GABRB3: variants seen among roughly 807,000 people sequenced by gnomAD.
The protein encoded by GABRB3 is gamma-aminobutyric acid receptor subunit beta-3.
A neutral mutation model predicts 52.1 loss-of-function variants in GABRB3; 14 were observed. That is an observed-to-expected ratio of 0.27 (90% CI 0.18 to 0.42). GABRB3 has a LOEUF of 0.42. Among genes scored for constraint, GABRB3 ranks in the 10% least tolerant of loss-of-function variants. The pLI, the probability that GABRB3 is intolerant of heterozygous loss-of-function variation, is 1.00. For missense variants in GABRB3, 307 were observed against 609.1 expected (o/e 0.50, Z 5.22); for synonymous variants, 260 against 232.3 (o/e 1.12, Z -1.08).
intron 8 of GABRB3, among the ~76,000 whole-genome samples, chr15:26,555,673 C>T (rs1366942198): frequency 1.3e-5 from 2 of 152,180 alleles, no homozygotes; most frequent in African/African-American, 4.8e-5. Flanking sequence ...TGAGAAAGAA[C>T]TCAAGAACCA....
At chr15:26,665,642 T>A (rs117337592) in intron 3 of GABRB3, among the ~76,000 whole-genome samples, 4,676 of 152,202 alleles carry the variant, frequency 0.031, 95 homozygotes, top group Non-Finnish European at 0.043. Context: ...CCATAAATGC[T>A]CATGTGGGCA....
At chr15:26,676,191 G>A (rs1888063611) in intron 3 of GABRB3, among the ~76,000 whole-genome samples, 1 of 152,190 alleles carries the variant, frequency 6.6e-6, no homozygotes, top group Non-Finnish European at 1.5e-5. Flanking sequence ...TTCAGCACCT[G>A]CTTGCAACTA....
chr15:26,772,657 A>T (rs1475784515), intron 2 of GABRB3, 24 bp downstream of exon 2: 3 of 1,538,652 alleles, frequency 1.9e-6, no homozygotes, highest in African/African-American at 2.9e-5. Flanking sequence ...CGCTTCCCGC[A>T]ACGGCCGCGC....
At chr15:26,763,882 A>C (rs2140186732) in intron 3 of GABRB3, among the ~76,000 whole-genome samples, 1 of 152,104 alleles carries the variant, frequency 6.6e-6, no homozygotes, top group African/African-American at 2.4e-5. Flanking sequence ...ATGGTGGCTC[A>C]CACCTGTCAT....
chr15:26,743,918 C>T (rs1414234520), intron 3 of GABRB3, among the ~76,000 whole-genome samples: 1 of 151,766 alleles, frequency 6.6e-6, no homozygotes, highest in Non-Finnish European at 1.5e-5. Flanking sequence ...TTCTCTAAAA[C>T]AAACTTCTTT....
intron 8 of GABRB3, among the ~76,000 whole-genome samples, chr15:26,558,943 G>A (rs1191517755): frequency 6.6e-6 from 1 of 152,208 alleles, no homozygotes; most frequent in Non-Finnish European, 1.5e-5. Context: ...GAAGCATGGT[G>A]CTGGCACCTC....
chr15:26,772,853 C>T, intron 1 of GABRB3, 30 bp downstream of exon 1: 1 of 1,449,164 alleles, frequency 6.9e-7, no homozygotes, highest in Non-Finnish European at 9.1e-7. Context: ...GCGCCCTGCC[C>T]GCCGCCCGCC....
chr15:26,615,648 G>T, intron 4 of GABRB3: 1 of 675,140 alleles, frequency 1.5e-6, no homozygotes, highest in Non-Finnish European at 1.9e-6. Flanking sequence ...CCTACGTCAC[G>T]GACAGCTCAT....
chr15:26,728,976 G>A (rs185793581), intron 3 of GABRB3, among the ~76,000 whole-genome samples: 82 of 152,292 alleles, frequency 5.4e-4, no homozygotes, highest in African/African-American at 1.7e-3. Context: ...GGTTTTGGTG[G>A]CATAACAGAA....
intron 8 of GABRB3, among the ~76,000 whole-genome samples, chr15:26,558,876 C>T (rs994728870): frequency 6.6e-6 from 1 of 151,766 alleles, no homozygotes; most frequent in Non-Finnish European, 1.5e-5. Flanking sequence ...ATACCTGAGA[C>T]TGGGTAATTT....
chr15:26,563,016 T>C (rs980969842), intron 7 of GABRB3, among the ~76,000 whole-genome samples: 16 of 152,234 alleles, frequency 1.1e-4, no homozygotes, highest in African/African-American at 2.9e-4. Context: ...AAACACCACA[T>C]AAATGCTACA....
chr15:26,753,077 G>A (rs1274981687), intron 3 of GABRB3, among the ~76,000 whole-genome samples: 1 of 152,144 alleles, frequency 6.6e-6, no homozygotes, highest in East Asian at 1.9e-4. Flanking sequence ...GATACCTCTT[G>A]AGAACCTCAG....
intron 3 of GABRB3, among the ~76,000 whole-genome samples, chr15:26,671,783 T>C (rs1400740580): frequency 1.3e-5 from 2 of 152,126 alleles, no homozygotes; most frequent in African/African-American, 4.8e-5. Flanking sequence ...AATCAAGCCT[T>C]TCCTCCCCTC....
chr15:26,667,411 T>C (rs544217551), intron 3 of GABRB3, among the ~76,000 whole-genome samples: 213 of 152,298 alleles, frequency 1.4e-3, no homozygotes, highest in Non-Finnish European at 2.4e-3. Flanking sequence ...GGCCACCGGA[T>C]GGAGTGCACC....
chr15:26,689,205 T>C (rs374098253), intron 3 of GABRB3, among the ~76,000 whole-genome samples: 7 of 152,258 alleles, frequency 4.6e-5, no homozygotes, highest in Admixed American at 4.6e-4. Flanking sequence ...GCGACCTCCA[T>C]CGCAGACTTG....
At chr15:26,585,233 T>C (rs1425746775) in intron 4 of GABRB3, among the ~76,000 whole-genome samples, 10 of 152,162 alleles carry the variant, frequency 6.6e-5, no homozygotes, top group Admixed American at 5.2e-4. Context: ...GGAGTAAGAA[T>C]GAAAATGTGA....
At chr15:26,674,831 G>C (rs879316066) in intron 3 of GABRB3, among the ~76,000 whole-genome samples, 4 of 152,170 alleles carry the variant, frequency 2.6e-5, no homozygotes, top group Non-Finnish European at 5.9e-5. Flanking sequence ...GAAATCACCA[G>C]TTTTGAGAAG....
intron 3 of GABRB3, among the ~76,000 whole-genome samples, chr15:26,636,981 G>A (rs572801008): frequency 1.1e-4 from 16 of 152,010 alleles, no homozygotes; most frequent in Non-Finnish European, 2.2e-4. Context: ...TCTCTCCCAC[G>A]GTCTTGTTCC....
intron 3 of GABRB3, among the ~76,000 whole-genome samples, chr15:26,748,450 T>C (rs1392194788): frequency 6.6e-6 from 1 of 152,206 alleles, no homozygotes; most frequent in African/African-American, 2.4e-5. Context: ...TAGTAACTTT[T>C]GTTTTTTAAG....
Sources: gnomAD v4.1 joint callset for allele counts (sites outside exome capture counted in the v4.1 genomes callset) on GRCh38, gnomAD v4.1.1 for gene constraint, MANE v1.5 for transcripts, NCBI Gene and HGNC (gene_info 2026-07-23, HGNC 2026-07-21) for gene names.